CCDC85A: variants seen among roughly 807,000 people sequenced by gnomAD.
CCDC85A encodes the protein coiled-coil domain-containing protein 85A.
Under a neutral mutation model 50.2 loss-of-function variants are expected in CCDC85A, and 38 were observed. That is an observed-to-expected ratio of 0.76 (90% CI 0.58 to 0.99). The LOEUF is 0.99. CCDC85A is among the 50% of genes least tolerant of loss of function. CCDC85A has a pLI of 0.00. For missense variants in CCDC85A, 820 were observed against 742.0 expected (o/e 1.11, Z -1.22); for synonymous variants, 366 against 301.4 (o/e 1.21, Z -2.22).
chr2:56,346,743 T>C (rs1318862489), intron 3 of CCDC85A, among the ~76,000 whole-genome samples: 3 of 152,256 alleles, frequency 2.0e-5, no homozygotes, highest in Admixed American at 1.3e-4. Context: ...AAAGGTCACC[T>C]GGACTTTAGG....
chr2:56,328,865 C>A (rs1193802629), intron 2 of CCDC85A, among the ~76,000 whole-genome samples: 2 of 152,108 alleles, frequency 1.3e-5, no homozygotes, highest in South Asian at 4.1e-4. Flanking sequence ...CATAGCAGCT[C>A]CCTCAGTGGT....
At chr2:56,355,251 C>T (rs1307500722) in intron 3 of CCDC85A, among the ~76,000 whole-genome samples, 4 of 152,136 alleles carry the variant, frequency 2.6e-5, no homozygotes, top group East Asian at 1.9e-4. Context: ...AGGCTCCAAA[C>T]GCATAGGAAA....
At chr2:56,230,377 T>A (rs1194929009) in intron 2 of CCDC85A, among the ~76,000 whole-genome samples, 7 of 152,186 alleles carry the variant, frequency 4.6e-5, no homozygotes, top group Non-Finnish European at 1.5e-5. Flanking sequence ...TGTTCCCTAC[T>A]CTCTTAATTA....
Position 56,320,831 on chromosome 2 carries a change from C to G in CCDC85A, c.1241-22048C>G, listed in dbSNP as rs574145965. Among the ~76,000 whole-genome samples the G allele has an allele frequency of 2.6e-5, 4 of 152,048 alleles. No homozygotes were observed. The East Asian group carries it at 7.7e-4, about 29-fold the overall frequency. On this transcript the variant is annotated intron_variant, in intron 2 of 5. Transcript: ENST00000407595. ...CTGATATCAAAGGCTGGCAGAGACA[C>G]AATAAAAAAAGAGAATTTTAGACCA...
intron 2 of CCDC85A, among the ~76,000 whole-genome samples, chr2:56,336,854 G>A (rs1311047546): frequency 6.6e-6 from 1 of 151,984 alleles, no homozygotes; most frequent in Admixed American, 6.6e-5. Context: ...TTACTGTAAA[G>A]GTAAATCCAT....
chr2:56,211,187 G>A (rs1237102856), intron 2 of CCDC85A, among the ~76,000 whole-genome samples: 1 of 152,098 alleles, frequency 6.6e-6, no homozygotes, highest in Non-Finnish European at 1.5e-5. Flanking sequence ...AAATCTGAAT[G>A]TTCCCTTTGG....
chr2:56,225,947 G>A (rs532908270), intron 2 of CCDC85A, among the ~76,000 whole-genome samples: 4 of 152,124 alleles, frequency 2.6e-5, no homozygotes, highest in African/African-American at 7.2e-5. Context: ...TAAACAACGA[G>A]AAGAATTGAT....
chr2:56,346,061 T>C (rs1674617750), intron 3 of CCDC85A, among the ~76,000 whole-genome samples: 1 of 152,196 alleles, frequency 6.6e-6, no homozygotes. Flanking sequence ...CCTTTGCAGC[T>C]GTAGCCAGAA....
At chr2:56,346,230 A>G (rs1674624396) in intron 3 of CCDC85A, among the ~76,000 whole-genome samples, 1 of 152,244 alleles carries the variant, frequency 6.6e-6, no homozygotes, top group Admixed American at 6.5e-5. Context: ...AAAAATAAAC[A>G]CAATGAATAT....
At chr2:56,203,486 G>T (rs1462797475) in intron 2 of CCDC85A, among the ~76,000 whole-genome samples, 1 of 150,496 alleles carries the variant, frequency 6.6e-6, no homozygotes, top group Admixed American at 6.6e-5. Flanking sequence ...CTTTTTTCCT[G>T]TTGCAGTCTC....
chr2:56,267,074 A>T (rs550870669), intron 2 of CCDC85A, among the ~76,000 whole-genome samples: 1 of 152,146 alleles, frequency 6.6e-6, no homozygotes, highest in South Asian at 2.1e-4. Context: ...ATAGTGTTGT[A>T]TGTAATTATG....
intron 2 of CCDC85A, among the ~76,000 whole-genome samples, chr2:56,261,237 TAG>T (rs1487466431): frequency 1.3e-5 from 2 of 152,198 alleles, no homozygotes; most frequent in African/African-American, 4.8e-5. Flanking sequence ...GCCATTCTTA[TAG>T]AGAGACTATA....
At chr2:56,309,369 C>T (rs1672589014) in intron 2 of CCDC85A, among the ~76,000 whole-genome samples, 1 of 152,158 alleles carries the variant, frequency 6.6e-6, no homozygotes. Context: ...TTAAACGACA[C>T]TGCCAGCTTA....
intron 2 of CCDC85A, among the ~76,000 whole-genome samples, chr2:56,196,337 C>T (rs1166205138): frequency 6.6e-6 from 1 of 152,208 alleles, no homozygotes; most frequent in Non-Finnish European, 1.5e-5. Context: ...GTAGATTCAA[C>T]ACTTACCACA....
At chr2:56,352,798 A>G (rs1390276937) in intron 3 of CCDC85A, among the ~76,000 whole-genome samples, 3 of 152,194 alleles carry the variant, frequency 2.0e-5, no homozygotes, top group Non-Finnish European at 4.4e-5. Context: ...ATAACACCAA[A>G]TAGGGGTTTC....
At chr2:56,333,167 G>C (rs570645365) in intron 2 of CCDC85A, among the ~76,000 whole-genome samples, 1 of 152,202 alleles carries the variant, frequency 6.6e-6, no homozygotes, top group African/African-American at 2.4e-5. Flanking sequence ...AGTTGGTACA[G>C]TAATACAGCA....
At chr2:56,282,280 A>G (rs1171495917) in intron 2 of CCDC85A, among the ~76,000 whole-genome samples, 1 of 152,188 alleles carries the variant, frequency 6.6e-6, no homozygotes, top group Non-Finnish European at 1.5e-5. Flanking sequence ...TCCTTACATT[A>G]ATACAACACT....
Position 56,193,390 on chromosome 2 carries a change from C to G in CCDC85A, c.1190C>G (p.Ala397Gly). ...GSREGTLRRQAQEDGSPHHRN... is the reference protein window; with the variant it reads ...GSREGTLRRQGQEDGSPHHRN... ...AGGGAGGGCACCCTCAGACGGCAGG[C>G]ACAGGAGGACGGGTCACCCCATCAC... is the stretch of plus-strand genomic sequence containing the variant. The change falls in exon 2 of 6, where the codon GCA (alanine) becomes GGA (glycine). Residue 397 changes from alanine (A) to glycine (G), a missense_variant. Transcript: ENST00000407595. The G allele has an allele frequency of 2.5e-6, 4 of 1,611,006 alleles. No individual in the cohort carries two copies. The highest frequency in any genetic ancestry group is 3.4e-6 in the Non-Finnish European group (4 of 1,178,612).
intron 2 of CCDC85A, among the ~76,000 whole-genome samples, chr2:56,296,205 G>A (rs924476419): frequency 1.3e-5 from 2 of 152,030 alleles, no homozygotes; most frequent in Non-Finnish European, 2.9e-5. Flanking sequence ...CTAAATATGT[G>A]TTTGATGGCC....
Sources: allele counts gnomAD v4.1 joint callset (sites outside exome capture counted in the v4.1 genomes callset), GRCh38; gene constraint gnomAD v4.1.1; transcripts MANE v1.5; gene names NCBI Gene and HGNC (gene_info 2026-07-23, HGNC 2026-07-21).